Variants in CENPP observed in about 807,000 individuals in gnomAD.
CENPP encodes centromere protein P.
CENPP carries 24 observed loss-of-function variants against 35.6 expected under a neutral mutation model. The ratio of observed to expected loss-of-function variants is 0.67; its 90% CI spans 0.49 to 0.95. The LOEUF is 0.95. Ranked by LOEUF, CENPP falls within the 40% of genes least tolerant of loss-of-function variation. The pLI is 0.00. For synonymous variants in CENPP, 120 were observed against 125.5 expected (o/e 0.96, Z 0.29); for missense variants, 332 against 345.3 (o/e 0.96, Z 0.31).
At chr9:92,590,563 T>C (rs1850641323) in intron 5 of CENPP, among the ~76,000 whole-genome samples, 1 of 152,214 alleles carries the variant, frequency 6.6e-6, no homozygotes, top group South Asian at 2.1e-4. Context: ...GGGCCAGGGC[T>C]GCATAATCAA....
chr9:92,336,998 C>T (rs774821111), intron 2 of CENPP, among the ~76,000 whole-genome samples: 1 of 152,170 alleles, frequency 6.6e-6, no homozygotes, highest in Non-Finnish European at 1.5e-5. Flanking sequence ...TAGTACATTT[C>T]TACTACTTAC....
chr9:92,552,105 CAT>C (rs370951359), intron 5 of CENPP, among the ~76,000 whole-genome samples: 199 of 113,118 alleles, frequency 1.8e-3, no homozygotes, highest in Middle Eastern at 4.8e-3. Context: ...ATAGATCTAT[CAT>C]ATATATGTGA....
intron 5 of CENPP, among the ~76,000 whole-genome samples, chr9:92,532,016 T>TTTTG (rs1848807596): frequency 6.6e-5 from 7 of 105,748 alleles, no homozygotes; most frequent in African/African-American, 3.3e-4. Flanking sequence ...TTATTTAATG[T>TTTTG]TTTTTTTTTT....
chr9:92,393,053 T>G, intron 5 of CENPP: 1 of 1,579,088 alleles, frequency 6.3e-7, no homozygotes, highest in Non-Finnish European at 8.7e-7. Flanking sequence ...CTAATACGAG[T>G]TAATACTAAT....
chr9:92,510,075 C>T (rs1847243597), intron 5 of CENPP: 3 of 1,563,838 alleles, frequency 1.9e-6, no homozygotes, highest in Non-Finnish European at 8.6e-7. Flanking sequence ...TATCTAGTCA[C>T]AGCTGTGCAG....
intron 5 of CENPP, among the ~76,000 whole-genome samples, chr9:92,601,296 AC>A (rs917187449): frequency 9.2e-5 from 14 of 152,288 alleles, no homozygotes; most frequent in African/African-American, 2.9e-4. Flanking sequence ...AAAGTCAGGC[AC>A]CTTTTGTCCA....
intron 5 of CENPP, among the ~76,000 whole-genome samples, chr9:92,467,615 C>A (rs1845363266): frequency 6.6e-6 from 1 of 152,182 alleles, no homozygotes. Flanking sequence ...ATTCATTTCA[C>A]AAAAATCTCC....
At chr9:92,391,506 C>T (rs551697062) in intron 5 of CENPP, among the ~76,000 whole-genome samples, 1 of 152,024 alleles carries the variant, frequency 6.6e-6, no homozygotes, top group Admixed American at 6.6e-5. Context: ...GACTGAGGGA[C>T]AAGAATCCCT....
intron 4 of CENPP, among the ~76,000 whole-genome samples, chr9:92,354,949 A>G (rs543336818): frequency 6.6e-6 from 1 of 152,296 alleles, no homozygotes; most frequent in South Asian, 2.1e-4. Context: ...GGGGTATAAG[A>G]ACAGGGAGTA....
chr9:92,503,873 T>C (rs912533541), intron 5 of CENPP, among the ~76,000 whole-genome samples: 1 of 152,214 alleles, frequency 6.6e-6, no homozygotes, highest in Non-Finnish European at 1.5e-5. Flanking sequence ...TCTGCAGCTG[T>C]AGGAAAGAAT....
chr9:92,331,857 A>G (rs1840758348), intron 1 of CENPP, among the ~76,000 whole-genome samples: 1 of 152,106 alleles, frequency 6.6e-6, no homozygotes, highest in Admixed American at 6.5e-5. Context: ...GCTACTCAGG[A>G]GGATCCTTTG....
intron 5 of CENPP, among the ~76,000 whole-genome samples, chr9:92,604,124 GT>G (rs1170699373): frequency 6.6e-6 from 1 of 152,214 alleles, no homozygotes; most frequent in Non-Finnish European, 1.5e-5. Context: ...GTTCAATGTG[GT>G]AAGAAGCTGC....
intron 5 of CENPP, among the ~76,000 whole-genome samples, chr9:92,533,320 A>T (rs1162961235): frequency 1.4e-3 from 128 of 92,302 alleles, no homozygotes; most frequent in African/African-American, 4.5e-3. Flanking sequence ...AAAAAAAAAA[A>T]AAAAAAAAAT....
rs112770807 is a variant in CENPP, at chr9:92,456,735, A to G, written c.564+76876A>G. 1.0e-3 allele frequency: 164 copies of G among 163,978 alleles called. 1 individual carries two copies. The highest frequency in any genetic ancestry group is 3.7e-3 in the African/African-American group (155 of 41,828). The allele number at this position is 163,978 out of a possible 1,614,324, so 10.2% of individuals were successfully genotyped here. On this transcript the variant is annotated intron_variant, in intron 5 of 7. Coordinates refer to ENST00000375587, the MANE Select transcript of CENPP (RefSeq NM_001012267.3). Reference sequence around the variant, plus strand: ...TTATTTTAAGAAATTAGTTTTAAACATAAAGACGGGCTCTAAGACATGATA... The same window carrying G: ...TTATTTTAAGAAATTAGTTTTAAACGTAAAGACGGGCTCTAAGACATGATA...
intron 5 of CENPP, among the ~76,000 whole-genome samples, chr9:92,609,636 G>A (rs1445254467): frequency 3.3e-5 from 5 of 152,278 alleles, no homozygotes; most frequent in Non-Finnish European, 7.3e-5. Flanking sequence ...ACTAGCCCTA[G>A]GAGCTCGACA....
At chr9:92,343,662 T>TA (rs1841189430) in intron 3 of CENPP, among the ~76,000 whole-genome samples, 1 of 152,182 alleles carries the variant, frequency 6.6e-6, no homozygotes, top group Non-Finnish European at 1.5e-5. Context: ...TTTACAAAGT[T>TA]AAGCTGGCCA....
Position 92,616,050 on chromosome 9 carries a change from G to C in CENPP, c.*2901G>C, listed in dbSNP as rs138582676. Reference sequence around the variant, plus strand: ...CTCGATGAAGGGACGACAGGCCTTTGATCAGAGCTGCAAGTAAAAAGTACC... The same window carrying C: ...CTCGATGAAGGGACGACAGGCCTTTCATCAGAGCTGCAAGTAAAAAGTACC... On this transcript the variant is annotated 3_prime_UTR_variant, in exon 8 of 8. Transcript: ENST00000375587. 2.6e-3 allele frequency: 4,149 copies of C among 1,612,632 alleles called. 7 individuals carry two copies. Among genetic ancestry groups the C allele is most frequent in the Non-Finnish European group, 2.9e-3 (3,470 of 1,178,984 alleles).
rs112043635 is a variant in CENPP, at chr9:92,342,567, G to C, written c.379-3132G>C. Among the ~76,000 whole-genome samples, 6 of 152,150 alleles carry C rather than the reference G, an allele frequency of 3.9e-5. 1 individual carries two copies. The highest frequency in any genetic ancestry group is 1.4e-4 in the African/African-American group (6 of 41,506). Reference sequence around the variant, plus strand: ...TGTTAAGAACTCTCACTTTCTCTCTGAGCCTTTTAGATTTTATGATTCTTC... The same window carrying C: ...TGTTAAGAACTCTCACTTTCTCTCTCAGCCTTTTAGATTTTATGATTCTTC... On this transcript the variant is annotated intron_variant, in intron 3 of 7. Transcript: ENST00000375587.
intron 5 of CENPP, among the ~76,000 whole-genome samples, chr9:92,408,406 G>A (rs1272065348): frequency 2.0e-5 from 3 of 152,056 alleles, no homozygotes; most frequent in East Asian, 1.9e-4. Context: ...GGATGGTCTC[G>A]ATCTCTTGAT....
Sources: gnomAD v4.1 joint callset for allele counts (sites outside exome capture counted in the v4.1 genomes callset) on GRCh38, gnomAD v4.1.1 for gene constraint, MANE v1.5 for transcripts, NCBI Gene and HGNC (gene_info 2026-07-23, HGNC 2026-07-21) for gene names.